NRXN1: variants seen among roughly 807,000 people sequenced by gnomAD.
NRXN1 encodes neurexin-1.
NRXN1 carries 39 observed loss-of-function variants against 150.9 expected under a neutral mutation model. The ratio of observed to expected loss-of-function variants is 0.26; its 90% CI spans 0.20 to 0.34. The LOEUF is 0.34. NRXN1 is among the 10% of genes least tolerant of loss of function. The pLI is 1.00. For synonymous variants in NRXN1, 924 were observed against 757.0 expected, an observed-to-expected ratio of 1.22 and a Z score of -3.62; for missense variants, 1,815 against 1,949.9, an observed-to-expected ratio of 0.93 and a Z score of 1.30.
At chr2:51,009,766 G>C (rs1361232854) in intron 2 of NRXN1, among the ~76,000 whole-genome samples, 1 of 151,920 alleles carries the variant, frequency 6.6e-6, no homozygotes, top group Admixed American at 6.6e-5. Context: ...TATGGTGACA[G>C]AGATGGATAA....
At chr2:50,065,866 A>G (rs1333881659) in intron 19 of NRXN1, among the ~76,000 whole-genome samples, 1 of 152,166 alleles carries the variant, frequency 6.6e-6, no homozygotes, top group Non-Finnish European at 1.5e-5. Flanking sequence ...TTGTGACACA[A>G]AAGACCACTG....
intron 8 of NRXN1, among the ~76,000 whole-genome samples, chr2:50,566,552 G>A (rs997200360): frequency 6.6e-6 from 1 of 151,952 alleles, no homozygotes; most frequent in African/African-American, 2.4e-5. Flanking sequence ...ACCGTGCCCA[G>A]CCATCATGTT....
intron 17 of NRXN1, among the ~76,000 whole-genome samples, chr2:50,399,773 G>C: frequency 1.1e-5 from 1 of 87,954 alleles, no homozygotes; most frequent in Admixed American, 1.7e-4. Context: ...ACCCAGCTCT[G>C]TAACGAGAGA....
At chr2:50,568,630 A>T (rs560329526) in intron 8 of NRXN1, among the ~76,000 whole-genome samples, 1 of 152,228 alleles carries the variant, frequency 6.6e-6, no homozygotes, top group East Asian at 1.9e-4. Context: ...TTATCCAAAC[A>T]CAAGCAATAA....
At chr2:50,631,011 T>G (rs1484886736) in intron 5 of NRXN1, 1 of 409,136 alleles carries the variant, frequency 2.4e-6, no homozygotes, top group African/African-American at 2.2e-5. Flanking sequence ...TCCTCAGTCC[T>G]TAAGAAATTT....
At chr2:50,433,138 A>C (rs1401315876) in intron 17 of NRXN1, among the ~76,000 whole-genome samples, 1 of 152,238 alleles carries the variant, frequency 6.6e-6, no homozygotes, top group Non-Finnish European at 1.5e-5. Context: ...CACTCAAGCT[A>C]TTCTATGGAA....
intron 5 of NRXN1, among the ~76,000 whole-genome samples, chr2:50,835,517 C>T (rs1004314163): frequency 4.6e-5 from 7 of 151,992 alleles, no homozygotes; most frequent in Non-Finnish European, 7.4e-5. Context: ...TTAATCTTAG[C>T]CTCTGAGTTT....
intron 12 of NRXN1, among the ~76,000 whole-genome samples, chr2:50,526,164 A>G (rs894321030): frequency 1.3e-5 from 2 of 152,032 alleles, no homozygotes; most frequent in African/African-American, 4.8e-5. Flanking sequence ...AATTTTAAGT[A>G]AAAGTAGAAA....
intron 17 of NRXN1, among the ~76,000 whole-genome samples, chr2:50,451,160 G>T (rs2086925000): frequency 6.6e-6 from 1 of 152,062 alleles, no homozygotes; most frequent in South Asian, 2.1e-4. Context: ...GTAGAGACAG[G>T]GCTTTGCCAT....
At chr2:50,081,915 A>G (rs1433468101) in intron 19 of NRXN1, among the ~76,000 whole-genome samples, 2 of 152,306 alleles carry the variant, frequency 1.3e-5, no homozygotes, top group African/African-American at 4.8e-5. Flanking sequence ...TTTATAAACT[A>G]TAAACTATAT....
chr2:50,382,173 T>A (rs2081019702), intron 17 of NRXN1, among the ~76,000 whole-genome samples: 1 of 152,154 alleles, frequency 6.6e-6, no homozygotes, highest in Admixed American at 6.6e-5. Context: ...ACAAGAAAGA[T>A]CAGAAATCCT....
At chr2:50,473,379 A>T (rs995741927) in intron 15 of NRXN1, among the ~76,000 whole-genome samples, 1 of 151,924 alleles carries the variant, frequency 6.6e-6, no homozygotes, top group African/African-American at 2.4e-5. Flanking sequence ...AGAGATTACA[A>T]TCTATGTTGG....
chr2:50,123,639 TAGC>T (rs1463925664), intron 18 of NRXN1, among the ~76,000 whole-genome samples: 1 of 152,158 alleles, frequency 6.6e-6, no homozygotes, highest in Non-Finnish European at 1.5e-5. Flanking sequence ...AGAGAACAAT[TAGC>T]AGACTATTGA....
At chr2:50,014,957 T>C (rs527543290) in intron 21 of NRXN1, among the ~76,000 whole-genome samples, 1 of 152,312 alleles carries the variant, frequency 6.6e-6, no homozygotes, top group South Asian at 2.1e-4. Context: ...GTCTTTTGTT[T>C]TGCAATTTAT....
intron 16 of NRXN1, among the ~76,000 whole-genome samples, chr2:50,468,917 G>A (rs922448147): frequency 1.3e-5 from 2 of 151,558 alleles, no homozygotes; most frequent in Non-Finnish European, 3.0e-5. Flanking sequence ...TAGATATAAT[G>A]GAGCCTAGAG....
intron 5 of NRXN1, among the ~76,000 whole-genome samples, chr2:50,814,472 C>T (rs1668649037): frequency 6.6e-6 from 1 of 152,076 alleles, no homozygotes; most frequent in Non-Finnish European, 1.5e-5. Context: ...TTACATTTTA[C>T]TTGGCAAACA....
At chr2:50,154,893 G>A (rs1329120735) in intron 18 of NRXN1, among the ~76,000 whole-genome samples, 2 of 151,568 alleles carry the variant, frequency 1.3e-5, no homozygotes, top group East Asian at 1.9e-4. Flanking sequence ...TTAAATGTAA[G>A]CATTTTAATG....
At chr2:50,596,400 G>A (rs1226487689) in intron 8 of NRXN1, among the ~76,000 whole-genome samples, 2 of 152,070 alleles carry the variant, frequency 1.3e-5, no homozygotes, top group African/African-American at 4.8e-5. Context: ...CTTCTATGTG[G>A]TTCTTTGTTG....
At chr2:50,312,894 C>T (rs1241562237) in intron 17 of NRXN1, 12 of 442,150 alleles carry the variant, frequency 2.7e-5, no homozygotes, top group Non-Finnish European at 5.0e-5. Context: ...ACTACATAAG[C>T]AACTTGTTAG....
Sources: gnomAD v4.1 joint callset for allele counts (sites outside exome capture counted in the v4.1 genomes callset) on GRCh38, gnomAD v4.1.1 for gene constraint, MANE v1.5 for transcripts, NCBI Gene and HGNC (gene_info 2026-07-23, HGNC 2026-07-21) for gene names.